SLC4A10: variants seen among roughly 807,000 people sequenced by gnomAD.
SLC4A10 encodes solute carrier family 4 member 10, also known as sodium-driven chloride bicarbonate exchanger.
Under a neutral mutation model 137.7 loss-of-function variants are expected in SLC4A10, and 42 were observed. The observed-to-expected ratio is 0.30, with a 90% confidence interval of 0.24 to 0.39. The LOEUF is 0.39. Ranked by LOEUF, SLC4A10 falls within the 10% of genes least tolerant of loss-of-function variation. The pLI is 1.00. For missense variants in SLC4A10, 925 were observed against 1,355.0 expected (o/e 0.68, Z 4.98); for synonymous variants, 474 against 464.1 (o/e 1.02, Z -0.27).
chr2:161,829,428 T>C (rs1180707382), intron 3 of SLC4A10, among the ~76,000 whole-genome samples: 1 of 152,138 alleles, frequency 6.6e-6, no homozygotes, highest in Non-Finnish European at 1.5e-5. Flanking sequence ...TAGGAAGAAA[T>C]CAGCCTCACA....
intron 4 of SLC4A10, among the ~76,000 whole-genome samples, chr2:161,844,831 G>A (rs1006670358): frequency 2.6e-5 from 4 of 152,214 alleles, no homozygotes; most frequent in Middle Eastern, 3.4e-3. Flanking sequence ...AGACTCCAAT[G>A]TGCTAATCTT....
At chr2:161,911,927 CATTCTTG>C (rs1438125295) in intron 15 of SLC4A10, among the ~76,000 whole-genome samples, 3 of 152,086 alleles carry the variant, frequency 2.0e-5, no homozygotes, top group Non-Finnish European at 4.4e-5. Flanking sequence ...CTCCTCACCT[CATTCTTG>C]ATTCTTGATC....
chr2:161,702,837 A>G (rs1398571150), intron 1 of SLC4A10, among the ~76,000 whole-genome samples: 1 of 151,844 alleles, frequency 6.6e-6, no homozygotes, highest in Non-Finnish European at 1.5e-5. Context: ...ATCTTTGTCT[A>G]TAAGCGTAGA....
intron 15 of SLC4A10, among the ~76,000 whole-genome samples, chr2:161,907,370 A>G (rs1245671885): frequency 1.3e-5 from 2 of 152,202 alleles, no homozygotes; most frequent in Non-Finnish European, 2.9e-5. Flanking sequence ...ATTTATCCTT[A>G]CCTGAAAGAG....
chr2:161,645,576 T>C (rs1055385786), intron 1 of SLC4A10, among the ~76,000 whole-genome samples: 3 of 152,018 alleles, frequency 2.0e-5, no homozygotes, highest in Admixed American at 1.3e-4. Context: ...ATTACAGTGG[T>C]TTTATATTAT....
intron 15 of SLC4A10, among the ~76,000 whole-genome samples, chr2:161,920,330 A>G (rs1347276498): frequency 6.6e-6 from 1 of 152,210 alleles, no homozygotes; most frequent in Admixed American, 6.5e-5. Context: ...GATCTATGAC[A>G]TTAACCCAAT....
chr2:161,765,727 G>A (rs972094245), intron 1 of SLC4A10, among the ~76,000 whole-genome samples: 1 of 152,008 alleles, frequency 6.6e-6, no homozygotes, highest in Admixed American at 6.6e-5. Context: ...TCCTAAATGA[G>A]CAAATACATG....
At chr2:161,726,864 G>A (rs1214670538) in intron 1 of SLC4A10, among the ~76,000 whole-genome samples, 1 of 152,220 alleles carries the variant, frequency 6.6e-6, no homozygotes, top group African/African-American at 2.4e-5. Context: ...GGCCGAGACT[G>A]TGCCACTGCA....
intron 6 of SLC4A10, among the ~76,000 whole-genome samples, chr2:161,864,703 G>A (rs1005315216): frequency 6.6e-6 from 1 of 152,074 alleles, no homozygotes; most frequent in African/African-American, 2.4e-5. Context: ...ACATTCTGAG[G>A]AGATATAACT....
At chr2:161,825,301 T>C (rs1291529123) in intron 3 of SLC4A10, among the ~76,000 whole-genome samples, 2 of 152,112 alleles carry the variant, frequency 1.3e-5, no homozygotes, top group African/African-American at 2.4e-5. Context: ...CTGCAGATGC[T>C]CCATCATCTT....
At chr2:161,742,581 C>A (rs2048021358) in intron 1 of SLC4A10, among the ~76,000 whole-genome samples, 1 of 151,490 alleles carries the variant, frequency 6.6e-6, no homozygotes, top group Non-Finnish European at 1.5e-5. Flanking sequence ...GCTGAGGTTA[C>A]AAGTGCACGC....
At chr2:161,803,696 G>T (rs2055613009) in intron 2 of SLC4A10, among the ~76,000 whole-genome samples, 1 of 152,056 alleles carries the variant, frequency 6.6e-6, no homozygotes, top group African/African-American at 2.4e-5. Flanking sequence ...GTGGTTGACA[G>T]CTCATTTCCT....
At chr2:161,870,106 G>T (rs540349479) in intron 6 of SLC4A10, among the ~76,000 whole-genome samples, 19 of 150,816 alleles carry the variant, frequency 1.3e-4, no homozygotes, top group Non-Finnish European at 2.5e-4. Context: ...TTTAGAACAA[G>T]AATAGCATAC....
intron 1 of SLC4A10, among the ~76,000 whole-genome samples, chr2:161,700,711 A>G (rs1258485515): frequency 6.6e-6 from 1 of 152,118 alleles, no homozygotes; most frequent in Non-Finnish European, 1.5e-5. Context: ...AGCTTTGCTC[A>G]TGGTTACTAA....
At chr2:161,929,560 A>G (rs1689937434) in intron 15 of SLC4A10, among the ~76,000 whole-genome samples, 1 of 152,288 alleles carries the variant, frequency 6.6e-6, no homozygotes, top group East Asian at 1.9e-4. Flanking sequence ...GTTGAGCATC[A>G]TCTATCAGGA....
chr2:161,757,574 G>T (rs1229958381), intron 1 of SLC4A10, among the ~76,000 whole-genome samples: 1 of 152,058 alleles, frequency 6.6e-6, no homozygotes, highest in Non-Finnish European at 1.5e-5. Flanking sequence ...TGTACATAAG[G>T]AAATTGAGGC....
Position 161,863,074 on chromosome 2 carries a change from T to C in SLC4A10, c.766+12T>C, listed in dbSNP as rs949321854. 6 of 1,612,210 alleles carry C rather than the reference T, an allele frequency of 3.7e-6. No homozygotes were observed. Among genetic ancestry groups the C allele is most frequent in the East Asian group, 2.2e-5 (1 of 44,878 alleles). On this transcript the variant is annotated intron_variant, in intron 6 of 26. Coordinates refer to ENST00000446997, the MANE Select transcript of SLC4A10 (RefSeq NM_001178015.2). Reference sequence around the variant, plus strand: ...CATGGACAAAAATGGTAAATGTTTATTTATTGTGCTCTTTATGTCTACTAT... The same window carrying C: ...CATGGACAAAAATGGTAAATGTTTACTTATTGTGCTCTTTATGTCTACTAT...
At chr2:161,819,112 A>G (rs1458315149) in intron 3 of SLC4A10, among the ~76,000 whole-genome samples, 3 of 152,212 alleles carry the variant, frequency 2.0e-5, no homozygotes, top group Non-Finnish European at 4.4e-5. Flanking sequence ...ATGAGACCCA[A>G]TCATAGAATA....
chr2:161,858,748 GAGTT>G (rs2060240201), intron 5 of SLC4A10, among the ~76,000 whole-genome samples: 2 of 152,096 alleles, frequency 1.3e-5, no homozygotes, highest in Non-Finnish European at 2.9e-5. Context: ...CTGTCAATGA[GAGTT>G]AGGAAGAAAT....
Sources: gnomAD v4.1 joint callset for allele counts (sites outside exome capture counted in the v4.1 genomes callset) on GRCh38, gnomAD v4.1.1 for gene constraint, MANE v1.5 for transcripts, NCBI Gene and HGNC (gene_info 2026-07-23, HGNC 2026-07-21) for gene names.